KALRN: variants seen among roughly 807,000 people sequenced by gnomAD.
The protein encoded by KALRN is kalirin RhoGEF kinase.
KALRN carries 70 observed loss-of-function variants against 353.7 expected under a neutral mutation model. That is an observed-to-expected ratio of 0.20 (90% CI 0.16 to 0.24). The LOEUF is 0.24. Among genes scored for constraint, KALRN ranks in the 10% least tolerant of loss-of-function variants. The probability of loss-of-function intolerance (pLI) is 1.00; values close to 1 mark genes in which losing one functional copy is unlikely to be tolerated. For missense variants in KALRN, 2,791 were observed against 3,756.7 expected, an observed-to-expected ratio of 0.74 and a Z score of 6.72; for synonymous variants, 1,391 against 1,434.8, an observed-to-expected ratio of 0.97 and a Z score of 0.69.
intron 2 of KALRN, among the ~76,000 whole-genome samples, chr3:124,233,141 C>G (rs1364867144): frequency 6.6e-6 from 1 of 152,024 alleles, no homozygotes; most frequent in Non-Finnish European, 1.5e-5. Context: ...AGCTGTGGTT[C>G]CTTGTGGTTC....
intron 33 of KALRN, among the ~76,000 whole-genome samples, chr3:124,525,712 T>A (rs2109068820): frequency 6.6e-6 from 1 of 152,362 alleles, no homozygotes; most frequent in East Asian, 1.9e-4. Context: ...TAGGAGGCTT[T>A]GTACTTCTCA....
chr3:124,485,885 A>G (rs1037835618), intron 28 of KALRN, among the ~76,000 whole-genome samples: 1 of 152,228 alleles, frequency 6.6e-6, no homozygotes, highest in Non-Finnish European at 1.5e-5. Flanking sequence ...GTCTCAAAAA[A>G]AAGAAGAAGA....
chr3:124,071,706 C>T (rs1280872434), intron 1 of KALRN, among the ~76,000 whole-genome samples: 4 of 152,164 alleles, frequency 2.6e-5, no homozygotes, highest in African/African-American at 4.8e-5. Flanking sequence ...AGGGGAGAAG[C>T]CCTCATAATT....
intron 33 of KALRN, among the ~76,000 whole-genome samples, chr3:124,512,765 G>GTGCATGTATGTA (rs1352632031): frequency 6.6e-6 from 1 of 152,106 alleles, no homozygotes; most frequent in Non-Finnish European, 1.5e-5. Flanking sequence ...ACATACGTAT[G>GTGCATGTATGTA]TGCATGTATG....
At chr3:124,634,359 G>A (rs190322378) in intron 36 of KALRN, among the ~76,000 whole-genome samples, 16 of 152,302 alleles carry the variant, frequency 1.1e-4, no homozygotes, top group Non-Finnish European at 2.1e-4. Context: ...CTAACTAATG[G>A]TAGCTACCAG....
rs377476773 is a variant in KALRN, at chr3:124,509,178, C to T, written c.4935+12765C>T. 5.9e-5 allele frequency among the ~76,000 whole-genome samples: 9 copies of T among 152,246 alleles called. No individual in the cohort carries two copies. The East Asian group carries it at 1.4e-3, about 23-fold the overall frequency. On this transcript the variant is annotated intron_variant, in intron 33 of 59. Coordinates refer to ENST00000682506, the MANE Select transcript of KALRN (RefSeq NM_001388419.1). ...GCTATACATTGGTAAGTTAGAGGCT[C>T]ATGTGATGTGACATATGAGGCATCT...
At chr3:124,398,279 C>A (rs544771718) in intron 12 of KALRN, among the ~76,000 whole-genome samples, 73 of 152,114 alleles carry the variant, frequency 4.8e-4, no homozygotes, top group Non-Finnish European at 9.3e-4. Context: ...TAAAATATGC[C>A]TTTAGTATGT....
chr3:124,415,584 G>C (rs1364775884), intron 14 of KALRN, among the ~76,000 whole-genome samples: 1 of 152,226 alleles, frequency 6.6e-6, no homozygotes, highest in Non-Finnish European at 1.5e-5. Context: ...CTGTACACAA[G>C]AGTACGTGGC....
At chr3:124,262,733 T>C (rs970089672) in intron 3 of KALRN, among the ~76,000 whole-genome samples, 2 of 152,296 alleles carry the variant, frequency 1.3e-5, no homozygotes, top group African/African-American at 4.8e-5. Flanking sequence ...CTGGTTGAAA[T>C]TTAAGAATAA....
intron 1 of KALRN, among the ~76,000 whole-genome samples, chr3:124,199,090 C>T (rs973566673): frequency 5.3e-5 from 8 of 152,222 alleles, no homozygotes; most frequent in East Asian, 1.9e-4. Context: ...ACTTTGAAGC[C>T]GAGGCCAGGC....
intron 6 of KALRN, among the ~76,000 whole-genome samples, chr3:124,320,434 T>A (rs2079211014): frequency 6.6e-6 from 1 of 152,240 alleles, no homozygotes; most frequent in South Asian, 2.1e-4. Flanking sequence ...AGCTCTTTGA[T>A]GGGCTTCCTC....
chr3:124,678,024 G>C lies in KALRN; in HGVS notation c.7194-166G>C, dbSNP rs552940213. On this transcript the variant is annotated intron_variant, in intron 49 of 59. Coordinates refer to ENST00000682506, the MANE Select transcript of KALRN (RefSeq NM_001388419.1). ...CTTGCTCACTTCCAGTTGGAGGCGA[G>C]GTCAGCCGCCAGCCACCCTTGGAGC... Among the ~76,000 whole-genome samples, 14 of 152,346 alleles carry C rather than the reference G, an allele frequency of 9.2e-5. No individual in the cohort carries two copies. In the South Asian group the frequency reaches 2.3e-3, roughly 25 times the overall value.
In KALRN at chr3:124,701,701, C is replaced by T. The variant is rs3821534; in HGVS notation, c.7997-337C>T. Among the ~76,000 whole-genome samples, 16 of 152,240 alleles carry T rather than the reference C, an allele frequency of 1.1e-4. No homozygotes were observed. The East Asian group carries it at 3.1e-3, about 29-fold the overall frequency. ...ATCCTCCTTACACCCCTGATTTTCA[C>T]GAGCTTTTCTAGGTCTTCAAAGTGT... On this transcript the variant is annotated intron_variant, in intron 56 of 59. Coordinates refer to ENST00000682506, the MANE Select transcript of KALRN (RefSeq NM_001388419.1).
chr3:124,183,520 T>C (rs1479715525), intron 1 of KALRN, among the ~76,000 whole-genome samples: 1 of 152,074 alleles, frequency 6.6e-6, no homozygotes. Context: ...CCAGGCCCTG[T>C]CTCCAATACT....
At chr3:124,279,472 T>G (rs749438280) in intron 5 of KALRN, among the ~76,000 whole-genome samples, 4 of 152,112 alleles carry the variant, frequency 2.6e-5, no homozygotes, top group Non-Finnish European at 4.4e-5. Flanking sequence ...TTGAGGGGCA[T>G]GCATGGGGAA....
At chr3:124,400,986 G>A (rs149509991) in intron 13 of KALRN, among the ~76,000 whole-genome samples, 11 of 152,262 alleles carry the variant, frequency 7.2e-5, no homozygotes, top group African/African-American at 2.4e-4. Context: ...CTGGTTCAGC[G>A]CTGGAATGGG....
intron 1 of KALRN, among the ~76,000 whole-genome samples, chr3:124,161,200 A>G (rs2069887634): frequency 1.3e-5 from 2 of 152,240 alleles, no homozygotes; most frequent in African/African-American, 2.4e-5. Context: ...TAATGTACAT[A>G]CAGGACAAAG....
chr3:124,255,234 G>A (rs1197171060), intron 3 of KALRN, among the ~76,000 whole-genome samples: 1 of 152,154 alleles, frequency 6.6e-6, no homozygotes, highest in Non-Finnish European at 1.5e-5. Context: ...ATGAGCCACC[G>A]TGCCCGGCCT....
At chr3:124,629,533 A>G (rs545559977) in intron 34 of KALRN, among the ~76,000 whole-genome samples, 2 of 152,278 alleles carry the variant, frequency 1.3e-5, no homozygotes, top group South Asian at 2.1e-4. Flanking sequence ...AGGATCTATT[A>G]CTGGCTGTTA....
Sources: gnomAD v4.1 joint callset for allele counts (sites outside exome capture counted in the v4.1 genomes callset) on GRCh38, gnomAD v4.1.1 for gene constraint, MANE v1.5 for transcripts, NCBI Gene and HGNC (gene_info 2026-07-23, HGNC 2026-07-21) for gene names.